UBXN4: variants seen among roughly 807,000 people sequenced by gnomAD.
UBXN4 encodes UBX domain protein 4.
A neutral mutation model predicts 66.2 loss-of-function variants in UBXN4; 35 were observed. The ratio of observed to expected loss-of-function variants is 0.53; its 90% CI spans 0.40 to 0.70. The LOEUF is 0.70. Ranked by LOEUF, UBXN4 falls within the 30% of genes least tolerant of loss-of-function variation. UBXN4 has a pLI of 0.00. For missense variants in UBXN4, 533 were observed against 599.8 expected, an observed-to-expected ratio of 0.89 and a Z score of 1.16; for synonymous variants, 203 against 204.5, an observed-to-expected ratio of 0.99 and a Z score of 0.06.
At chr2:135,753,746 T>C in intron 3 of UBXN4, 179 bp downstream of exon 3, 1 of 561,658 alleles carries the variant, frequency 1.8e-6, no homozygotes, top group Non-Finnish European at 3.0e-6. Context: ...ATTTCAAACA[T>C]ATATAAAAGT....
intron 10 of UBXN4, among the ~76,000 whole-genome samples, chr2:135,776,902 C>A (rs1027155545): frequency 6.6e-6 from 1 of 152,118 alleles, no homozygotes; most frequent in African/African-American, 2.4e-5. Flanking sequence ...CCACTGGGAA[C>A]TTTTTTCACT....
intron 6 of UBXN4, among the ~76,000 whole-genome samples, chr2:135,768,588 C>T (rs996363939): frequency 1.3e-5 from 2 of 148,720 alleles, no homozygotes; most frequent in South Asian, 2.1e-4. Context: ...TTTCCTGAGG[C>T]GGAGTCTCAC....
intron 1 of UBXN4, among the ~76,000 whole-genome samples, chr2:135,745,875 C>CCTTTTTTT (rs1419818076): frequency 4.3e-4 from 32 of 74,404 alleles, no homozygotes; most frequent in African/African-American, 1.5e-3. Flanking sequence ...GTCCCGTTTA[C>CCTTTTTTT]TTTTTTTTTT....
At chr2:135,778,652 A>T (rs1160385070) in intron 10 of UBXN4, among the ~76,000 whole-genome samples, 1 of 152,224 alleles carries the variant, frequency 6.6e-6, no homozygotes, top group African/African-American at 2.4e-5. Context: ...CTGCAACAGT[A>T]CTTAAAGGAG....
At chr2:135,755,239 G>A (rs1023840940) in intron 4 of UBXN4, among the ~76,000 whole-genome samples, 19 of 151,806 alleles carry the variant, frequency 1.3e-4, no homozygotes, top group African/African-American at 1.9e-4. Context: ...TTGGACAAAT[G>A]GCTGGTAGAA....
At chr2:135,754,093 C>T in intron 3 of UBXN4, 66 bp from the exon 4 acceptor site, 6 of 1,091,180 alleles carry the variant, frequency 5.5e-6, no homozygotes, top group South Asian at 2.9e-5. Flanking sequence ...CCTTTGTTAC[C>T]AATAGTGTTT....
chr2:135,762,211 G>A (rs1293766293), intron 6 of UBXN4, among the ~76,000 whole-genome samples: 1 of 152,130 alleles, frequency 6.6e-6, no homozygotes, highest in Non-Finnish European at 1.5e-5. Context: ...TATGCCATAA[G>A]GATAATAAGC....
chr2:135,775,917 A>G (rs187376326), intron 9 of UBXN4, among the ~76,000 whole-genome samples: 332 of 152,142 alleles, frequency 2.2e-3, no homozygotes, highest in African/African-American at 7.7e-3. Context: ...ACAGGCATAC[A>G]CCACCATGCC....
intron 6 of UBXN4, among the ~76,000 whole-genome samples, chr2:135,767,669 A>G (rs754428713): frequency 6.6e-6 from 1 of 152,160 alleles, no homozygotes; most frequent in African/African-American, 2.4e-5. Context: ...GTTGGTGGAC[A>G]TTAGGATTGT....
At chr2:135,768,531 G>A (rs1382561937) in intron 6 of UBXN4, among the ~76,000 whole-genome samples, 1 of 150,808 alleles carries the variant, frequency 6.6e-6, no homozygotes, top group Non-Finnish European at 1.5e-5. Context: ...GTTTCATTAC[G>A]TTGCATTACA....
chr2:135,744,533 A>T (rs2077194933), intron 1 of UBXN4, among the ~76,000 whole-genome samples: 1 of 152,204 alleles, frequency 6.6e-6, no homozygotes, highest in Non-Finnish European at 1.5e-5. Context: ...GTTGCTAGGT[A>T]GGTAGGCCAA....
chr2:135,749,454 G>C (rs2077229074), intron 2 of UBXN4, among the ~76,000 whole-genome samples: 1 of 152,132 alleles, frequency 6.6e-6, no homozygotes, highest in Admixed American at 6.6e-5. Context: ...ATATATGAAA[G>C]TAATGTAACA....
chr2:135,771,663 A>G (rs2077384515), intron 8 of UBXN4, among the ~76,000 whole-genome samples: 1 of 152,150 alleles, frequency 6.6e-6, no homozygotes, highest in African/African-American at 2.4e-5. Flanking sequence ...CCCGAGTTCA[A>G]GCAATTCTCC....
chr2:135,747,102 T>TA (rs1478399082), intron 1 of UBXN4, among the ~76,000 whole-genome samples: 1 of 152,042 alleles, frequency 6.6e-6, no homozygotes, highest in Admixed American at 6.6e-5. Context: ...AGGATGGAGT[T>TA]ACCATAAACG....
At chr2:135,747,469 G>C (rs2077215751) in intron 1 of UBXN4, among the ~76,000 whole-genome samples, 1 of 151,710 alleles carries the variant, frequency 6.6e-6, no homozygotes, top group South Asian at 2.1e-4. Flanking sequence ...TTATAGGTTA[G>C]CATACCTTTT....
intron 9 of UBXN4, among the ~76,000 whole-genome samples, chr2:135,775,844 G>A (rs1443562214): frequency 1.3e-5 from 2 of 152,166 alleles, no homozygotes; most frequent in Non-Finnish European, 2.9e-5. Flanking sequence ...TCGGCTTACT[G>A]CAACCTACAC....
At chr2:135,753,844 A>G (rs2105494940) in intron 3 of UBXN4, 1 of 441,072 alleles carries the variant, frequency 2.3e-6, no homozygotes, top group East Asian at 4.0e-5. Context: ...TGAATATCTG[A>G]AAAACAATAT....
Position 135,754,169 on chromosome 2 carries a change from G to A in UBXN4, c.225G>A (p.Val75=), listed in dbSNP as rs1448827796. 1 of 1,612,700 alleles carries A rather than the reference G, an allele frequency of 6.2e-7. No individual in the cohort carries two copies. Among genetic ancestry groups the A allele is most frequent in the Admixed American group, 1.7e-5 (1 of 60,022 alleles). ...CATTAAACTGTACAGATCCTGTAGT[G>A]TGTGTTCCATCCAGTTTCTTTATTG... is the stretch of plus-strand genomic sequence containing the variant. ...CLQFSQIYPV[V]CVPSSFFIGD... is the part of the protein sequence containing the mutation. Residue 75 remains valine (V), a synonymous_variant, in exon 4 of 13, where the codon GTG becomes GTA. Transcript: ENST00000272638.
rs562691718 is a variant in UBXN4 at position 135,765,670 on chromosome 2, A to G, written c.602+3759A>G. Among the ~76,000 whole-genome samples, 5 of 149,620 alleles carry G rather than the reference A, an allele frequency of 3.3e-5. No individual in the cohort carries two copies. The East Asian group carries it at 9.8e-4, about 29-fold the overall frequency. On this transcript the variant is annotated intron_variant, in intron 6 of 12. Transcript: ENST00000272638. ...TTTCTTTTTTTTTTTCTTCTGATTC[A>G]TTTGAAAGTTGCAGACATAATTTCA...
Sources: gnomAD v4.1 joint callset for allele counts (sites outside exome capture counted in the v4.1 genomes callset) on GRCh38, gnomAD v4.1.1 for gene constraint, MANE v1.5 for transcripts, NCBI Gene and HGNC (gene_info 2026-07-23, HGNC 2026-07-21) for gene names.